The following CNOT2 variants were observed in gnomAD, a reference collection of about 807,000 sequenced individuals.
The protein encoded by CNOT2 is CC chemokine receptor 4-negative regulator of transcription 2.
Under a neutral mutation model 72.1 loss-of-function variants are expected in CNOT2, and 7 were observed. The ratio of observed to expected loss-of-function variants is 0.10; its 90% CI spans 0.06 to 0.18. The LOEUF (loss-of-function observed/expected upper bound fraction) is 0.18. Ranked by LOEUF, CNOT2 falls within the 10% of genes least tolerant of loss-of-function variation. The pLI is 1.00. For synonymous variants in CNOT2, 196 were observed against 225.6 expected (o/e 0.87, Z 1.17); for missense variants, 345 against 660.3 (o/e 0.52, Z 5.23).
chr12:70,265,287 T>C lies in CNOT2; in HGVS notation c.-95-12845T>C, dbSNP rs10047646. ...TTTCGTTTTGTTTCTTCTCTTCTCT[T>C]CTCTTCTCTTCTCTTCTCTTCTCTT... On this transcript the variant is annotated intron_variant, in intron 1 of 15. Transcript: ENST00000229195. Among the ~76,000 whole-genome samples the C allele has an allele frequency of 2.0e-3, 278 of 136,610 alleles. 2 individuals carry two copies. Among genetic ancestry groups the C allele is most frequent in the African/African-American group, 7.7e-3 (274 of 35,736 alleles). 89.6% of individuals were successfully genotyped at this position (136,610 alleles called of 152,430 possible). A position where few individuals can be genotyped will look rare whatever the true frequency, so the allele number is the denominator to read the frequency against.
chr12:70,349,231 A>G (rs1280982716), intron 15 of CNOT2, among the ~76,000 whole-genome samples: 1 of 152,176 alleles, frequency 6.6e-6, no homozygotes, highest in African/African-American at 2.4e-5. Flanking sequence ...TTGATTAGTA[A>G]TTAAGAAATC....
intron 15 of CNOT2, among the ~76,000 whole-genome samples, chr12:70,350,416 G>T (rs1411894164): frequency 3.3e-5 from 5 of 152,052 alleles, no homozygotes; most frequent in Non-Finnish European, 7.4e-5. Context: ...TTTCTTCAAA[G>T]ATTATTTCTA....
At chr12:70,281,795 G>C (rs1869885081) in intron 2 of CNOT2, among the ~76,000 whole-genome samples, 1 of 114,122 alleles carries the variant, frequency 8.8e-6, no homozygotes, top group African/African-American at 3.1e-5. Context: ...AATGCCGTAG[G>C]AACTAGTCAC....
intron 1 of CNOT2, among the ~76,000 whole-genome samples, chr12:70,270,441 A>G (rs1331378479): frequency 6.6e-6 from 1 of 152,112 alleles, no homozygotes; most frequent in Non-Finnish European, 1.5e-5. Context: ...CATTAATAGT[A>G]TACTACCACT....
chr12:70,271,548 A>G (rs1458698170), intron 1 of CNOT2, among the ~76,000 whole-genome samples: 1 of 151,674 alleles, frequency 6.6e-6, no homozygotes, highest in Non-Finnish European at 1.5e-5. Context: ...TAATTTTTGT[A>G]TTTTTAGTAG....
At chr12:70,342,673 C>T (rs1025738319) in intron 13 of CNOT2, among the ~76,000 whole-genome samples, 1 of 151,740 alleles carries the variant, frequency 6.6e-6, no homozygotes, top group African/African-American at 2.4e-5. Flanking sequence ...TATTTATGAC[C>T]TTTGACTTTT....
At chr12:70,268,962 A>G (rs1255170674) in intron 1 of CNOT2, among the ~76,000 whole-genome samples, 2 of 152,214 alleles carry the variant, frequency 1.3e-5, no homozygotes, top group Non-Finnish European at 2.9e-5. Flanking sequence ...GCTGCAACAT[A>G]TATTTTCAAA....
At chr12:70,319,446 C>T in intron 4 of CNOT2, 82 bp downstream of exon 4, 1 of 1,320,242 alleles carries the variant, frequency 7.6e-7, no homozygotes, top group Non-Finnish European at 1.1e-6. Context: ...ACCAGTACTT[C>T]CTTTGTGGGT....
rs923676178 is a variant in CNOT2 at position 70,351,115 on chromosome 12, CT to C, written c.1537-2706del. ...GCAATCATATTATAATCTAGAAATC[CT>C]TTTTTTTCCACTAAAAGCAAATATA... On this transcript the variant is annotated intron_variant, in intron 15 of 15. Transcript: ENST00000229195. Among the ~76,000 whole-genome samples, 3 of 151,802 alleles carry C rather than the reference CT, an allele frequency of 2.0e-5. No individual in the cohort carries two copies. The East Asian group carries it at 5.8e-4, about 29-fold the overall frequency.
chr12:70,350,164 G>A (rs1882699631), intron 15 of CNOT2, among the ~76,000 whole-genome samples: 1 of 151,972 alleles, frequency 6.6e-6, no homozygotes, highest in African/African-American at 2.4e-5. Context: ...TAATCTTCAT[G>A]CATTAAATTT....
chr12:70,324,926 C>A (rs2136004398), intron 4 of CNOT2, among the ~76,000 whole-genome samples: 1 of 151,960 alleles, frequency 6.6e-6, no homozygotes, highest in East Asian at 1.9e-4. Context: ...TTATTTAATT[C>A]ATATACTATC....
At chr12:70,255,032 G>A (rs1958362438) in intron 1 of CNOT2, among the ~76,000 whole-genome samples, 1 of 151,596 alleles carries the variant, frequency 6.6e-6, no homozygotes, top group Non-Finnish European at 1.5e-5. Context: ...TGGCTTATTG[G>A]ACTTTGGGAG....
At chr12:70,311,810 A>G (rs1876513699) in intron 3 of CNOT2, among the ~76,000 whole-genome samples, 1 of 151,936 alleles carries the variant, frequency 6.6e-6, no homozygotes, top group Non-Finnish European at 1.5e-5. Context: ...CTCCTTATGT[A>G]TAAAACAATC....
intron 1 of CNOT2, among the ~76,000 whole-genome samples, chr12:70,251,547 GA>G (rs34229489): frequency 0.016 from 2,363 of 151,846 alleles, 65 homozygotes; most frequent in African/African-American, 0.054. Flanking sequence ...ATTAGGAGGG[GA>G]AAAAAAAGCC....
chr12:70,276,244 G>GTATATTT lies in CNOT2; in HGVS notation c.-95-1888_-95-1887insTATATTT, dbSNP rs1321677273. 2.1e-4 allele frequency among the ~76,000 whole-genome samples: 32 copies of GTATATTT among 151,936 alleles called. No homozygotes were observed. In the East Asian group the frequency reaches 6.0e-3, roughly 28 times the overall value. ...AGTCATTATTTTTTGTATATAATTA[G>GTATATTT]GTTGTATTAAAGATGTATACAGCAT... On this transcript the variant is annotated intron_variant, in intron 1 of 15. Transcript: ENST00000229195.
intron 4 of CNOT2, among the ~76,000 whole-genome samples, chr12:70,326,273 G>A (rs1879060293): frequency 1.3e-5 from 2 of 151,700 alleles, no homozygotes; most frequent in South Asian, 4.1e-4. Flanking sequence ...TTTATAAGAT[G>A]ATTATAAGAA....
At chr12:70,317,997 T>C (rs903277021) in intron 3 of CNOT2, among the ~76,000 whole-genome samples, 1 of 151,930 alleles carries the variant, frequency 6.6e-6, no homozygotes, top group Non-Finnish European at 1.5e-5. Flanking sequence ...TTCTCTCTTT[T>C]GTGAGTCTCC....
chr12:70,275,694 A>G (rs1413569118), intron 1 of CNOT2, among the ~76,000 whole-genome samples: 6 of 152,108 alleles, frequency 3.9e-5, no homozygotes, highest in African/African-American at 1.4e-4. Flanking sequence ...TCTTGAATAT[A>G]GGACTTGGTG....
chr12:70,243,309 C>T (rs928642727), upstream of CNOT2: 1 of 152,660 alleles, frequency 6.6e-6, no homozygotes, highest in Non-Finnish European at 1.5e-5. Context: ...CCTGCCTACC[C>T]ACCCCATCGC....
Sources: gnomAD v4.1 joint callset for allele counts (sites outside exome capture counted in the v4.1 genomes callset) on GRCh38, gnomAD v4.1.1 for gene constraint, MANE v1.5 for transcripts, NCBI Gene and HGNC (gene_info 2026-07-23, HGNC 2026-07-21) for gene names.